Variants in ARIH1 observed in about 807,000 individuals in gnomAD.
The protein encoded by ARIH1 is ariadne RBR E3 ubiquitin protein ligase 1, also known as E3 ubiquitin-protein ligase ARIH1.
In ARIH1, 8 loss-of-function variants were observed where a neutral mutation model predicts 85.0. The observed-to-expected ratio is 0.09, with a 90% CI of 0.06 to 0.17. The LOEUF is 0.17. ARIH1 is among the 10% of genes least tolerant of loss of function. The probability of loss-of-function intolerance (pLI) is 1.00; values close to 1 mark genes in which losing one functional copy is unlikely to be tolerated. For missense variants in ARIH1, 311 were observed against 718.1 expected, an observed-to-expected ratio of 0.43 and a Z score of 6.48; for synonymous variants, 238 against 253.6, an observed-to-expected ratio of 0.94 and a Z score of 0.59.
intron 2 of ARIH1, among the ~76,000 whole-genome samples, chr15:72,544,326 C>T (rs2064119867): frequency 1.3e-5 from 2 of 152,028 alleles, no homozygotes; most frequent in East Asian, 1.9e-4. Flanking sequence ...GTTTAAATTG[C>T]TTTAACTAAA....
chr15:72,580,907 C>T lies in ARIH1; in HGVS notation c.1392C>T (p.Val464=). The T allele has an allele frequency of 6.2e-7, 1 of 1,614,082 alleles. No homozygotes were observed. Among genetic ancestry groups the T allele is most frequent in the Non-Finnish European group, 8.5e-7 (1 of 1,179,994 alleles). ...EVQFLKKAVD[V]LCQCRATLMY... ...AGTTCCTGAAGAAGGCAGTTGATGT[C>T]CTCTGCCAGTGTCGTGCCACACTCA... The change falls in exon 12 of 14, where the codon GTC becomes GTT. Residue 464 remains valine (V), a synonymous_variant. Transcript: ENST00000379887.
At chr15:72,508,695 CTTT>C (rs767444028) in intron 1 of ARIH1, among the ~76,000 whole-genome samples, 4 of 140,790 alleles carry the variant, frequency 2.8e-5, no homozygotes, top group Admixed American at 7.1e-5. Flanking sequence ...TTCTTTCTTT[CTTT>C]TTTTTTTTTT....
At chr15:72,481,692 A>G (rs1382962100) in intron 1 of ARIH1, among the ~76,000 whole-genome samples, 3 of 152,164 alleles carry the variant, frequency 2.0e-5, no homozygotes, top group African/African-American at 7.2e-5. Context: ...CTTCAAAAAA[A>G]AGGTAATAAT....
chr15:72,508,150 G>C (rs910269545), intron 1 of ARIH1, among the ~76,000 whole-genome samples: 12 of 152,222 alleles, frequency 7.9e-5, no homozygotes, highest in African/African-American at 2.7e-4. Context: ...TAGCCAGAAT[G>C]GACAGGGGTG....
chr15:72,483,457 G>A (rs2063824409), intron 1 of ARIH1, among the ~76,000 whole-genome samples: 1 of 152,182 alleles, frequency 6.6e-6, no homozygotes, highest in Non-Finnish European at 1.5e-5. Flanking sequence ...ACCAAATCCA[G>A]CCCATACTCA....
chr15:72,534,145 C>T (rs934661985), intron 2 of ARIH1, among the ~76,000 whole-genome samples: 1 of 152,032 alleles, frequency 6.6e-6, no homozygotes, highest in Non-Finnish European at 1.5e-5. Flanking sequence ...CTATATGGTT[C>T]TACTTACATA....
chr15:72,490,234 C>CT (rs2063853632), intron 1 of ARIH1, among the ~76,000 whole-genome samples: 1 of 147,452 alleles, frequency 6.8e-6, no homozygotes, highest in Non-Finnish European at 1.5e-5. Flanking sequence ...GCTGAAATGT[C>CT]TCCTTCTCAA....
intron 10 of ARIH1, 149 bp from the exon 11 acceptor site, chr15:72,571,959 C>T: frequency 1.7e-6 from 1 of 605,704 alleles, no homozygotes; most frequent in Non-Finnish European, 2.9e-6. Flanking sequence ...GCAGTAGAAC[C>T]CTGGGTGTTT....
chr15:72,517,673 C>T (rs1401565049), intron 1 of ARIH1, among the ~76,000 whole-genome samples: 1 of 152,126 alleles, frequency 6.6e-6, no homozygotes, highest in Admixed American at 6.5e-5. Context: ...GTCAGCCTGC[C>T]TTGGCCTCTC....
Position 72,519,475 on chromosome 15 carries a change from GTTTTTTTTTTTTTTT to G in ARIH1, c.443+1352_443+1366del, listed in dbSNP as rs150165121. Reference sequence around the variant, plus strand: ...TATGCATTCTGACCATGTTTTTTTTGTTTTTTTTTTTTTTTTTTTTTTTTTGAGACGGAGTTTCGC... The same window carrying G: ...TATGCATTCTGACCATGTTTTTTTTGTTTTTTTTTTGAGACGGAGTTTCGC... On this transcript the variant is annotated intron_variant, in intron 2 of 13. Coordinates refer to ENST00000379887, the MANE Select transcript of ARIH1 (RefSeq NM_005744.5). Among the ~76,000 whole-genome samples, 24 of 62,576 alleles carry G rather than the reference GTTTTTTTTTTTTTTT, an allele frequency of 3.8e-4. No homozygotes were observed. The East Asian group carries it at 8.8e-3, about 23-fold the overall frequency. The allele number at this position is 62,576 out of a possible 152,430, so 41.1% of individuals were successfully genotyped here.
intron 5 of ARIH1, among the ~76,000 whole-genome samples, chr15:72,558,965 A>G (rs556753684): frequency 1.7e-3 from 253 of 152,334 alleles, no homozygotes; most frequent in African/African-American, 5.8e-3. Flanking sequence ...GGCCTGATAC[A>G]TTCCTTATTA....
chr15:72,558,844 G>T (rs2064185698), intron 5 of ARIH1, among the ~76,000 whole-genome samples: 1 of 152,040 alleles, frequency 6.6e-6, no homozygotes, highest in Admixed American at 6.6e-5. Flanking sequence ...AGCTTTTTAG[G>T]CTAAGGCCAG....
rs768424453 is a variant in ARIH1 at position 72,582,071 on chromosome 15, A to G, written c.1477-4A>G. On this transcript the variant is annotated splice_region_variant and splice_polypyrimidine_tract_variant and intron_variant, in intron 12 of 13. Transcript: ENST00000379887. The surrounding 1 kb of genome is among the most constrained non-coding windows in gnomAD (Gnocchi z 4.6). Reference sequence around the variant, plus strand: ...GCCAAAATTTACTTTCATTCTTCTTACAGAATAACCAAGCAGATCTAGAGA... The same window carrying G: ...GCCAAAATTTACTTTCATTCTTCTTGCAGAATAACCAAGCAGATCTAGAGA... 1 of 1,587,818 alleles carries G rather than the reference A, an allele frequency of 6.3e-7. No homozygotes were observed. Among genetic ancestry groups the G allele is most frequent in the Non-Finnish European group, 8.6e-7 (1 of 1,167,302 alleles).
chr15:72,507,939 C>T (rs1391275022), intron 1 of ARIH1, among the ~76,000 whole-genome samples: 9 of 152,256 alleles, frequency 5.9e-5, no homozygotes, highest in East Asian at 5.8e-4. Context: ...TGTACTTTTT[C>T]GGAGCCTGTG....
Position 72,570,317 on chromosome 15 carries a change from G to A in ARIH1, c.1157+10G>A. 1 of 1,613,534 alleles carries A rather than the reference G, an allele frequency of 6.2e-7. No homozygotes were observed. Among genetic ancestry groups the A allele is most frequent in the Non-Finnish European group, 8.5e-7 (1 of 1,179,756 alleles). On this transcript the variant is annotated intron_variant, in intron 10 of 13. Transcript: ENST00000379887. ...CACATGGATCTGCCTGGTAGGTTGG[G>A]GAAATTAAGGGAAGAATGTGTTTAC...
intron 2 of ARIH1, among the ~76,000 whole-genome samples, chr15:72,527,790 A>G (rs1252017814): frequency 6.6e-6 from 1 of 152,196 alleles, no homozygotes; most frequent in Non-Finnish European, 1.5e-5. Context: ...CTCAAGATCT[A>G]CTTGCTTTGC....
chr15:72,475,008 C>T lies in ARIH1; in HGVS notation c.369C>T (p.Val123=). Residue 123 remains valine, a synonymous_variant, in exon 1 of 14, where the codon GTC becomes GTT. Transcript: ENST00000379887. ...MVECIREVNE[V]IQNPATITRI... is the part of the protein sequence containing the mutation. ...AATGTATCCGGGAGGTCAACGAGGT[C>T]ATCCAGGTGAGGGTGGCCGCCGCGC... The T allele has an allele frequency of 6.4e-7, 1 of 1,555,446 alleles. No homozygotes were observed.
At chr15:72,504,718 G>A (rs927877346) in intron 1 of ARIH1, among the ~76,000 whole-genome samples, 2 of 152,178 alleles carry the variant, frequency 1.3e-5, no homozygotes, top group Admixed American at 1.3e-4. Flanking sequence ...TCGGCAGACG[G>A]AAGTTCTCAT....
At chr15:72,504,816 T>C (rs972590687) in intron 1 of ARIH1, among the ~76,000 whole-genome samples, 2 of 152,186 alleles carry the variant, frequency 1.3e-5, no homozygotes, top group Admixed American at 6.5e-5. Context: ...CTCTGCTTCC[T>C]GCCTCTATCA....
Sources: gnomAD v4.1 joint callset for allele counts (sites outside exome capture counted in the v4.1 genomes callset) on GRCh38, gnomAD v4.1.1 for gene constraint, Gnocchi (gnomAD v3.1) non-coding constraint, MANE v1.5 for transcripts, NCBI Gene and HGNC (gene_info 2026-07-23, HGNC 2026-07-21) for gene names.